RTTN: variants seen among roughly 807,000 people sequenced by gnomAD.
RTTN encodes rotatin.
Under a neutral mutation model 269.2 loss-of-function variants are expected in RTTN, and 182 were observed. The ratio of observed to expected loss-of-function variants is 0.68; its 90% confidence interval spans 0.60 to 0.76. The LOEUF is 0.76. Ranked by LOEUF, RTTN falls within the 30% of genes least tolerant of loss-of-function variation. RTTN has a pLI of 0.00. For missense variants in RTTN, 2,545 were observed against 2,608.6 expected, an observed-to-expected ratio of 0.98 and a Z score of 0.53; for synonymous variants, 1,006 against 963.5, an observed-to-expected ratio of 1.04 and a Z score of -0.82.
At chr18:70,116,255 T>C (rs999846749) in intron 26 of RTTN, among the ~76,000 whole-genome samples, 19 of 152,018 alleles carry the variant, frequency 1.2e-4, no homozygotes, top group African/African-American at 3.6e-4. Flanking sequence ...TGTAAAACAA[T>C]TTTATTATTA....
At position 70,051,431 on chromosome 18, in the gene RTTN, T is replaced by G. The variant is rs2057664416; in HGVS notation, c.5303A>C (p.Lys1768Thr). The G allele has an allele frequency of 1.9e-6, 3 of 1,613,372 alleles. No homozygotes were observed. The highest frequency in any genetic ancestry group is 2.5e-6 in the Non-Finnish European group (3 of 1,179,794). ...TLPFVTVALA[K>T]HWTAAIDMFC... Reference sequence around the variant, plus strand: ...CTTACCAATCGCCGCTGTCCAGTGCTTGGCCAGGGCCACGGTAACAAACGG... The same window carrying G: ...CTTACCAATCGCCGCTGTCCAGTGCGTGGCCAGGGCCACGGTAACAAACGG... Residue 1768 changes from lysine to threonine, a missense_variant, in exon 39 of 49, where the codon AAG (lysine) becomes ACG (threonine). Transcript: ENST00000640769.
chr18:70,188,090 G>C lies in RTTN; in HGVS notation c.1305+18C>G. 1.4e-6 allele frequency: 2 copies of C among 1,418,046 alleles called. No homozygotes were observed. Among genetic ancestry groups the C allele is most frequent in the Non-Finnish European group, 2.0e-6 (2 of 1,006,222 alleles). The allele number at this position is 1,418,046 out of a possible 1,614,324, so 87.8% of individuals were successfully genotyped here. On this transcript the variant is annotated intron_variant, in intron 10 of 48. Coordinates refer to ENST00000640769, the MANE Select transcript of RTTN (RefSeq NM_173630.4). ...AAAATACTATTCCCTATATCCCAAA[G>C]AAAACATTGATTCTTACCATATCTA... is the stretch of plus-strand genomic sequence containing the variant.
chr18:70,183,477 G>A lies in RTTN; in HGVS notation c.1305+4631C>T, dbSNP rs146139574. Among the ~76,000 whole-genome samples the A allele has an allele frequency of 1.8e-3, 274 of 152,284 alleles. 1 individual carries two copies. The highest frequency in any genetic ancestry group is 5.9e-3 in the African/African-American group (247 of 41,548). On this transcript the variant is annotated intron_variant, in intron 10 of 48. Coordinates refer to ENST00000640769, the MANE Select transcript of RTTN (RefSeq NM_173630.4). ...ACTCAGTCTTCAACCAGGCAGAGTA[G>A]ACAGTCATCAATCATCACTTTGGAC...
At chr18:70,178,174 A>G (rs1473799555) in intron 10 of RTTN, among the ~76,000 whole-genome samples, 1 of 152,216 alleles carries the variant, frequency 6.6e-6, no homozygotes, top group African/African-American at 2.4e-5. Context: ...GGTTGCAGTG[A>G]GCCAAGATCA....
At chr18:70,036,021 A>G (rs2117554) in intron 40 of RTTN, among the ~76,000 whole-genome samples, 8,178 of 152,274 alleles carry the variant, frequency 0.054, 289 homozygotes, top group African/African-American at 0.098. Flanking sequence ...CACACCAGTC[A>G]GAATGGCTAC....
At chr18:70,201,615 A>AG (rs1392747439) in intron 4 of RTTN, among the ~76,000 whole-genome samples, 66 of 148,742 alleles carry the variant, frequency 4.4e-4, no homozygotes, top group African/African-American at 1.5e-3. Context: ...CTCAAAAAAA[A>AG]AAAAAAAAAA....
chr18:70,030,862 G>A lies in RTTN; in HGVS notation c.5647+14C>T, dbSNP rs368115055. On this transcript the variant is annotated intron_variant, in intron 41 of 48. Coordinates refer to ENST00000640769, the MANE Select transcript of RTTN (RefSeq NM_173630.4). ...ATAATGCCATCAAAACAGCTGATGT[G>A]TCATGTGGCTCACCTTTCAAAGCAT... 46 of 1,585,132 alleles carry A rather than the reference G, an allele frequency of 2.9e-5. No homozygotes were observed. The highest frequency in any genetic ancestry group is 5.4e-5 in the African/African-American group (4 of 74,216).
At chr18:70,071,702 C>T (rs888641041) in intron 34 of RTTN, among the ~76,000 whole-genome samples, 1 of 152,138 alleles carries the variant, frequency 6.6e-6, no homozygotes, top group South Asian at 2.1e-4. Context: ...ACAATCCTTA[C>T]GAAGCTTGCC....
rs191288233 is a variant in RTTN, at chr18:70,175,303, T to C, written c.1476+1372A>G. 6.6e-5 allele frequency among the ~76,000 whole-genome samples: 10 copies of C among 152,090 alleles called. No homozygotes were observed. In the East Asian group the frequency reaches 1.7e-3, roughly 26 times the overall value. On this transcript the variant is annotated intron_variant, in intron 11 of 48. Transcript: ENST00000640769. ...AAAAGAAAAGTACTAGAATAAAGAC[T>C]AGCACAGAAGATAGTTTATTGCTAT... is the stretch of plus-strand genomic sequence containing the variant.
Position 70,190,797 on chromosome 18 carries a change from A to G in RTTN, c.1008-78T>C, listed in dbSNP as rs919489743. On this transcript the variant is annotated intron_variant, in intron 8 of 48. Coordinates refer to ENST00000640769, the MANE Select transcript of RTTN (RefSeq NM_173630.4). ...ATTTACTGCATATCTGCTGCCTCGCATATTAGAAGCCTCATACAAGTCACA... is the reference window on the plus strand; with the variant it reads ...ATTTACTGCATATCTGCTGCCTCGCGTATTAGAAGCCTCATACAAGTCACA... 1.9e-5 allele frequency: 18 copies of G among 971,372 alleles called. No homozygotes were observed. The African/African-American group carries it at 2.6e-4, about 14-fold the overall frequency. 60.2% of individuals were successfully genotyped at this position (971,372 alleles called of 1,614,324 possible). A position where few individuals can be genotyped will look rare whatever the true frequency, so the allele number is the denominator to read the frequency against.
At chr18:70,163,531 T>G (rs1363565970) in intron 14 of RTTN, among the ~76,000 whole-genome samples, 1 of 152,168 alleles carries the variant, frequency 6.6e-6, no homozygotes, top group Non-Finnish European at 1.5e-5. Context: ...TACTGTGTGA[T>G]CTACCAATTC....
chr18:70,019,737 C>G (rs1443357462), intron 45 of RTTN: 2 of 152,126 alleles, frequency 1.3e-5, no homozygotes. Flanking sequence ...AGGCTGGCTC[C>G]AACGTGCCAC....
rs151062567 is a variant in RTTN, at chr18:70,160,243, G to A, written c.1929+5819C>T. Reference sequence around the variant, plus strand: ...CAAAAAGCTAATCCACCACGATCAAGTATGCCTTATCCACTGGATGCAAGG... The same window carrying A: ...CAAAAAGCTAATCCACCACGATCAAATATGCCTTATCCACTGGATGCAAGG... On this transcript the variant is annotated intron_variant, in intron 14 of 48. Coordinates refer to ENST00000640769, the MANE Select transcript of RTTN (RefSeq NM_173630.4). Among the ~76,000 whole-genome samples, 957 of 151,930 alleles carry A rather than the reference G, an allele frequency of 6.3e-3. 26 individuals carry two copies. The highest frequency in any genetic ancestry group is 0.036 in the Admixed American group (556 of 15,246).
intron 19 of RTTN, among the ~76,000 whole-genome samples, 199 bp from the exon 20 acceptor site, chr18:70,140,387 A>T (rs1324039763): frequency 6.6e-6 from 1 of 152,198 alleles, no homozygotes; most frequent in East Asian, 1.9e-4. Context: ...TTAAGTAAAA[A>T]GCATATCTTA....
At chr18:70,066,783 T>C (rs2058147918) in intron 34 of RTTN, among the ~76,000 whole-genome samples, 1 of 152,218 alleles carries the variant, frequency 6.6e-6, no homozygotes, top group African/African-American at 2.4e-5. Flanking sequence ...ATTGTGTATA[T>C]ATCTTAACAC....
intron 10 of RTTN, among the ~76,000 whole-genome samples, chr18:70,178,700 A>G (rs1006897434): frequency 3.3e-5 from 5 of 152,192 alleles, no homozygotes; most frequent in East Asian, 1.9e-4. Flanking sequence ...AAGTAAAAAA[A>G]GAAAATAAAA....
intron 18 of RTTN, among the ~76,000 whole-genome samples, chr18:70,143,722 C>T (rs1335512928): frequency 2.6e-5 from 4 of 151,712 alleles, no homozygotes; most frequent in South Asian, 2.1e-4. Flanking sequence ...ATAACAAACC[C>T]GCACAGGTAC....
intron 40 of RTTN, among the ~76,000 whole-genome samples, chr18:70,041,914 C>T (rs1450566838): frequency 6.6e-6 from 1 of 151,966 alleles, no homozygotes; most frequent in East Asian, 1.9e-4. Flanking sequence ...CCCCAGAAGA[C>T]AAGCCTACAA....
chr18:70,174,682 G>A (rs1397349417), intron 11 of RTTN, among the ~76,000 whole-genome samples: 1 of 150,954 alleles, frequency 6.6e-6, no homozygotes, highest in Non-Finnish European at 1.5e-5. Context: ...TTAATTAAAT[G>A]GAAAATGTAT....
Sources: allele counts gnomAD v4.1 joint callset (sites outside exome capture counted in the v4.1 genomes callset), GRCh38; gene constraint gnomAD v4.1.1; transcripts MANE v1.5; gene names NCBI Gene and HGNC (gene_info 2026-07-23, HGNC 2026-07-21).